Variants in DNAH3 observed in about 807,000 individuals in gnomAD.
DNAH3 encodes axonemal beta dynein heavy chain 3.
In DNAH3, 332 loss-of-function variants were observed where a neutral mutation model predicts 432.5. The ratio of observed to expected loss-of-function variants is 0.77; its 90% CI spans 0.70 to 0.84. The LOEUF (loss-of-function observed/expected upper bound fraction) is 0.84, where lower values mean the gene tolerates loss of function less well. Ranked by LOEUF, DNAH3 falls within the 40% of genes least tolerant of loss-of-function variation. The pLI is 0.00. For missense variants in DNAH3, 4,861 were observed against 5,114.0 expected, an observed-to-expected ratio of 0.95 and a Z score of 1.51; for synonymous variants, 1,956 against 1,900.2, an observed-to-expected ratio of 1.03 and a Z score of -0.76.
intron 31 of DNAH3, among the ~76,000 whole-genome samples, chr16:21,045,275 T>C (rs2089642812): frequency 6.6e-6 from 1 of 151,902 alleles, no homozygotes; most frequent in Non-Finnish European, 1.5e-5. Context: ...GTACCTCTGG[T>C]AGAATTCGGC....
rs769930967 is a variant in DNAH3 at position 21,019,581 on chromosome 16, T to G, written c.6022+43A>C. ...TCTGGTTGTGTTTAGAACACGTAATTCCAACTATTATACTAGAACATAACA... is the reference window on the plus strand; with the variant it reads ...TCTGGTTGTGTTTAGAACACGTAATGCCAACTATTATACTAGAACATAACA... On this transcript the variant is annotated intron_variant, in intron 41 of 61. Transcript: ENST00000261383. 1.9e-6 allele frequency: 3 copies of G among 1,606,854 alleles called. No homozygotes were observed. In the South Asian group the frequency reaches 3.3e-5, roughly 18 times the overall value.
intron 44 of DNAH3, among the ~76,000 whole-genome samples, chr16:20,996,379 T>G (rs1215331184): frequency 2.6e-5 from 4 of 152,194 alleles, no homozygotes; most frequent in Admixed American, 2.6e-4. Flanking sequence ...GGGATAACAG[T>G]AGTTAAGGTT....
chr16:21,052,106 C>G (rs2089979146), intron 28 of DNAH3, among the ~76,000 whole-genome samples: 1 of 152,142 alleles, frequency 6.6e-6, no homozygotes. Context: ...ATTCTCCTGC[C>G]TCAGCCTCCC....
intron 54 of DNAH3, among the ~76,000 whole-genome samples, chr16:20,956,158 C>A (rs565264717): frequency 3.3e-5 from 5 of 152,180 alleles, no homozygotes; most frequent in Admixed American, 6.5e-5. Context: ...GAACTCCTGA[C>A]CTCAGGTGAT....
At chr16:20,977,520 A>G (rs2085651230) in intron 50 of DNAH3, among the ~76,000 whole-genome samples, 3 of 152,154 alleles carry the variant, frequency 2.0e-5, no homozygotes, top group Admixed American at 6.5e-5. Context: ...GGTTTCATGT[A>G]TTTGGAGACA....
rs113897658 is a variant in DNAH3, at chr16:21,083,236, G to A, written c.2878-1509C>T. 4.4e-3 allele frequency among the ~76,000 whole-genome samples: 667 copies of A among 152,114 alleles called. 2 individuals are homozygous for A. The highest frequency in any genetic ancestry group is 5.7e-3 in the Non-Finnish European group (390 of 67,980). On this transcript the variant is annotated intron_variant, in intron 19 of 61. Coordinates refer to ENST00000261383, the Ensembl canonical transcript of DNAH3. ...TCGCCATGTTGGCCAGACTGCTCTC[G>A]AACTCCTGACCTCAGGTGATTTGTC...
chr16:20,946,248 C>T (rs2084040225), intron 57 of DNAH3, among the ~76,000 whole-genome samples: 11 of 152,212 alleles, frequency 7.2e-5, no homozygotes, highest in Admixed American at 1.3e-4. Context: ...TCTGCACAAC[C>T]TCTTATCATA....
intron 18 of DNAH3, among the ~76,000 whole-genome samples, chr16:21,089,262 G>C (rs566531676): frequency 6.9e-4 from 105 of 152,278 alleles, no homozygotes; most frequent in African/African-American, 2.4e-3. Context: ...AAGTGGAAGC[G>C]ACACTCACTA....
chr16:21,029,277 C>A (rs889212794), intron 37 of DNAH3, among the ~76,000 whole-genome samples: 3 of 151,982 alleles, frequency 2.0e-5, no homozygotes, highest in African/African-American at 7.3e-5. Flanking sequence ...GATAATTAGC[C>A]CTTTCGTTGT....
At chr16:20,992,333 T>C (rs1022720462) in intron 44 of DNAH3, among the ~76,000 whole-genome samples, 3 of 152,116 alleles carry the variant, frequency 2.0e-5, no homozygotes, top group Non-Finnish European at 2.9e-5. Context: ...TACAGGCTTA[T>C]TTCATATATT....
At chr16:21,154,642 T>C (rs903163349) in intron 1 of DNAH3, among the ~76,000 whole-genome samples, 1 of 152,198 alleles carries the variant, frequency 6.6e-6, no homozygotes, top group Non-Finnish European at 1.5e-5. Flanking sequence ...AGAATATAAA[T>C]ATCAGTATTT....
intron 44 of DNAH3, among the ~76,000 whole-genome samples, chr16:20,993,874 C>CT (rs1336763398): frequency 6.6e-6 from 1 of 152,064 alleles, no homozygotes; most frequent in Non-Finnish European, 1.5e-5. Context: ...AAAGCCCACT[C>CT]TTTTATGCTG....
chr16:20,936,890 C>A, intron 59 of DNAH3, 37 bp from the exon 60 acceptor site: 1 of 1,554,666 alleles, frequency 6.4e-7, no homozygotes, highest in East Asian at 2.3e-5. Context: ...CTGGGCTCTC[C>A]GGTGGCCACA....
intron 33 of DNAH3, among the ~76,000 whole-genome samples, chr16:21,039,213 GCTTTTTTTTTTT>G (rs765633625): frequency 9.6e-6 from 1 of 103,628 alleles, no homozygotes; most frequent in Non-Finnish European, 2.0e-5. Context: ...TTATAGTGTT[GCTTTTTTTTTTT>G]TTTTTTTTTT....
chr16:21,112,434 G>C (rs1418145423), intron 12 of DNAH3, among the ~76,000 whole-genome samples: 1 of 152,156 alleles, frequency 6.6e-6, no homozygotes, highest in Admixed American at 6.5e-5. Context: ...CCACATGGCT[G>C]GGGAGGCCTC....
chr16:20,980,566 G>T (rs932885064), intron 49 of DNAH3, among the ~76,000 whole-genome samples: 1 of 151,292 alleles, frequency 6.6e-6, no homozygotes, highest in South Asian at 2.1e-4. Flanking sequence ...TAGAGATGGT[G>T]GGGGGTGGGG....
intron 24 of DNAH3, chr16:21,063,003 C>T (rs2090416433): frequency 3.9e-6 from 1 of 257,922 alleles, no homozygotes; most frequent in Non-Finnish European, 7.5e-6. Flanking sequence ...ATGGTTTTGA[C>T]TCTGAGATAC....
intron 12 of DNAH3, among the ~76,000 whole-genome samples, chr16:21,113,573 C>T (rs555830861): frequency 5.3e-5 from 8 of 152,250 alleles, no homozygotes; most frequent in African/African-American, 1.9e-4. Context: ...ATTCTCTTGC[C>T]TCAGCCTCTG....
At chr16:20,976,741 A>G (rs1050532204) in intron 50 of DNAH3, among the ~76,000 whole-genome samples, 1 of 152,190 alleles carries the variant, frequency 6.6e-6, no homozygotes, top group Non-Finnish European at 1.5e-5. Flanking sequence ...ATGCCCTTAT[A>G]TAATAAAAAG....
Sources: gnomAD v4.1 joint callset for allele counts (sites outside exome capture counted in the v4.1 genomes callset) on GRCh38, gnomAD v4.1.1 for gene constraint, MANE v1.5 for transcripts, NCBI Gene and HGNC (gene_info 2026-07-23, HGNC 2026-07-21) for gene names.